The following IMMP1L variants were observed in gnomAD, a reference collection of about 807,000 sequenced individuals.
IMMP1L encodes mitochondrial inner membrane protease subunit 1.
In IMMP1L, 24 loss-of-function variants were observed where a neutral mutation model predicts 21.8. The observed-to-expected ratio is 1.10, with a 90% CI of 0.80 to 1.55. The LOEUF (loss-of-function observed/expected upper bound fraction) is 1.55. Ranked by LOEUF, IMMP1L falls within the 40% of genes most tolerant of loss-of-function variation. The pLI, the probability that IMMP1L is intolerant of heterozygous loss-of-function variation, is 0.00. For missense variants in IMMP1L, 195 were observed against 200.7 expected, an observed-to-expected ratio of 0.97 and a Z score of 0.17; for synonymous variants, 46 against 62.8, an observed-to-expected ratio of 0.73 and a Z score of 1.26.
At chr11:31,457,021 C>T (rs991567831) in intron 3 of IMMP1L, among the ~76,000 whole-genome samples, 6 of 150,594 alleles carry the variant, frequency 4.0e-5, no homozygotes, top group Admixed American at 1.3e-4. Context: ...ATATTGCGGT[C>T]CAGCCAGTAG....
intron 1 of IMMP1L, among the ~76,000 whole-genome samples, chr11:31,470,273 T>C (rs549519498): frequency 2.6e-5 from 4 of 151,996 alleles, no homozygotes; most frequent in Admixed American, 2.6e-4. Flanking sequence ...ATTAGCCAGG[T>C]GTGGCAGCGC....
intron 4 of IMMP1L, among the ~76,000 whole-genome samples, chr11:31,444,173 A>G (rs1342974901): frequency 6.6e-6 from 1 of 152,172 alleles, no homozygotes; most frequent in African/African-American, 2.4e-5. Flanking sequence ...AACCTCATCA[A>G]TACAACTGAG....
chr11:31,489,348 A>C (rs1955182975), intron 1 of IMMP1L, among the ~76,000 whole-genome samples: 1 of 152,242 alleles, frequency 6.6e-6, no homozygotes, highest in Admixed American at 6.5e-5. Flanking sequence ...ATATCTATAT[A>C]ATATACAATA....
At chr11:31,493,123 A>T (rs574221192) in intron 1 of IMMP1L, among the ~76,000 whole-genome samples, 2 of 152,306 alleles carry the variant, frequency 1.3e-5, no homozygotes, top group Non-Finnish European at 1.5e-5. Context: ...AAAAAATGTT[A>T]AGGGACCCTG....
At chr11:31,506,014 C>G (rs922025498) in intron 1 of IMMP1L, among the ~76,000 whole-genome samples, 2 of 152,128 alleles carry the variant, frequency 1.3e-5, no homozygotes, top group Admixed American at 6.5e-5. Context: ...TTTTCAACTA[C>G]ACGGGTGTGG....
chr11:31,456,150 C>A (rs1274079124), intron 4 of IMMP1L, 110 bp downstream of exon 4: 2 of 678,054 alleles, frequency 2.9e-6, no homozygotes, highest in Non-Finnish European at 4.6e-6. Context: ...TACTGGATGC[C>A]CTTTTTTCTT....
chr11:31,504,728 G>A (rs1294856062), intron 1 of IMMP1L, among the ~76,000 whole-genome samples: 2 of 152,078 alleles, frequency 1.3e-5, no homozygotes, highest in Non-Finnish European at 2.9e-5. Flanking sequence ...CAGCCACAAC[G>A]ACACACATTA....
At chr11:31,475,490 CTCCCA>C (rs771629908) in intron 1 of IMMP1L, among the ~76,000 whole-genome samples, 1 of 152,192 alleles carries the variant, frequency 6.6e-6, no homozygotes, top group Non-Finnish European at 1.5e-5. Flanking sequence ...CCACTACAGC[CTCCCA>C]AGTGTCTGGG....
chr11:31,449,834 T>C (rs1953679429), intron 4 of IMMP1L, among the ~76,000 whole-genome samples: 1 of 152,200 alleles, frequency 6.6e-6, no homozygotes. Flanking sequence ...CAGATATCTT[T>C]GGTAGCCCTC....
intron 1 of IMMP1L, among the ~76,000 whole-genome samples, chr11:31,471,908 T>C (rs909929737): frequency 9.2e-5 from 14 of 152,224 alleles, no homozygotes; most frequent in African/African-American, 3.4e-4. Context: ...AGACTGTTTC[T>C]TTCTAAAGGC....
chr11:31,474,296 G>T (rs995609222), intron 1 of IMMP1L, among the ~76,000 whole-genome samples: 1 of 152,138 alleles, frequency 6.6e-6, no homozygotes, highest in Non-Finnish European at 1.5e-5. Flanking sequence ...GACTCATTAT[G>T]CTGAGTAGTA....
intron 1 of IMMP1L, among the ~76,000 whole-genome samples, chr11:31,467,021 T>C (rs1954381040): frequency 6.6e-6 from 1 of 152,092 alleles, no homozygotes; most frequent in African/African-American, 2.4e-5. Flanking sequence ...CTGTATCCCA[T>C]TAATACATAC....
chr11:31,471,319 A>C (rs561564975), intron 1 of IMMP1L, among the ~76,000 whole-genome samples: 2 of 152,216 alleles, frequency 1.3e-5, no homozygotes, highest in African/African-American at 4.8e-5. Context: ...TAACCCGAGG[A>C]TCTTTCTCCC....
intron 1 of IMMP1L, among the ~76,000 whole-genome samples, chr11:31,478,497 G>A (rs1460816366): frequency 2.0e-5 from 3 of 152,002 alleles, no homozygotes; most frequent in Non-Finnish European, 2.9e-5. Flanking sequence ...ATCAATGGAC[G>A]GATTTATCAT....
At chr11:31,480,155 A>G (rs1954848663) in intron 1 of IMMP1L, among the ~76,000 whole-genome samples, 1 of 152,048 alleles carries the variant, frequency 6.6e-6, no homozygotes, top group African/African-American at 2.4e-5. Context: ...ACATGTTTGG[A>G]TCTAGAAAGG....
intron 4 of IMMP1L, among the ~76,000 whole-genome samples, chr11:31,444,588 CTTTT>C (rs1219601245): frequency 7.7e-6 from 1 of 130,420 alleles, no homozygotes; most frequent in African/African-American, 2.8e-5. Flanking sequence ...CATTTCTATT[CTTTT>C]TTTTTTTTTT....
chr11:31,487,019 A>G lies in IMMP1L; in HGVS notation c.-30+22500T>C, dbSNP rs900252207. On this transcript the variant is annotated intron_variant, in intron 1 of 5. Transcript: ENST00000532287. The stretch of plus-strand genomic sequence containing the variant: ...CTCTAAGGTTACAAAGATGTATGCT[A>G]AATATTTAATTTATAATTATTCATT... Among the ~76,000 whole-genome samples the G allele has an allele frequency of 3.3e-5, 5 of 151,846 alleles. No homozygotes were observed. In the South Asian group the frequency reaches 1.0e-3, roughly 31 times the overall value.
In IMMP1L at chr11:31,437,253, A is replaced by G. The variant is rs190736927; in HGVS notation, c.322-3683T>C. On this transcript the variant is annotated intron_variant, in intron 4 of 5. Transcript: ENST00000532287. ...GGAAGAGACCCAAGTCTAAACATGAAATTCATTTATGTTTCATATACACCT... is the reference window on the plus strand; with the variant it reads ...GGAAGAGACCCAAGTCTAAACATGAGATTCATTTATGTTTCATATACACCT... 81 of 364,112 alleles carry G rather than the reference A, an allele frequency of 2.2e-4. No individual in the cohort carries two copies. The East Asian group carries it at 5.3e-3, about 24-fold the overall frequency. The allele number at this position is 364,112 out of a possible 1,614,324, so 22.6% of individuals were successfully genotyped here.
chr11:31,495,806 T>C (rs889820223), intron 1 of IMMP1L, among the ~76,000 whole-genome samples: 4 of 152,044 alleles, frequency 2.6e-5, no homozygotes, highest in African/African-American at 9.7e-5. Flanking sequence ...TTGAGAAAAC[T>C]AGATATCAAC....
Sources: allele counts gnomAD v4.1 joint callset (sites outside exome capture counted in the v4.1 genomes callset), GRCh38; gene constraint gnomAD v4.1.1; transcripts MANE v1.5; gene names NCBI Gene and HGNC (gene_info 2026-07-23, HGNC 2026-07-21).